Variants in PTPRD observed in about 807,000 individuals in gnomAD.
PTPRD encodes protein tyrosine phosphatase receptor type D.
A neutral mutation model predicts 214.5 loss-of-function variants in PTPRD; 34 were observed. That is an observed-to-expected ratio of 0.16 (90% CI 0.12 to 0.21). The LOEUF (loss-of-function observed/expected upper bound fraction) is 0.21, where lower values mean the gene tolerates loss of function less well. PTPRD is among the 10% of genes least tolerant of loss of function. PTPRD has a pLI of 1.00. For synonymous variants in PTPRD, 1,128 were observed against 845.7 expected, an observed-to-expected ratio of 1.33 and a Z score of -5.79; for missense variants, 2,545 against 2,398.7, an observed-to-expected ratio of 1.06 and a Z score of -1.27.
At chr9:8,701,432 C>G (rs569956712) in intron 12 of PTPRD, 1 of 151,946 alleles carries the variant, frequency 6.6e-6, no homozygotes, top group African/African-American at 2.4e-5. Context: ...GTCGGGAGCT[C>G]GAAACCAGCC....
intron 13 of PTPRD, among the ~76,000 whole-genome samples, chr9:8,634,172 A>G (rs1252305306): frequency 6.6e-6 from 1 of 151,736 alleles, no homozygotes; most frequent in Non-Finnish European, 1.5e-5. Flanking sequence ...ATCATTAGGA[A>G]CTCTTCTTGG....
chr9:9,427,205 G>C (rs1004167993), intron 8 of PTPRD, among the ~76,000 whole-genome samples: 13 of 152,164 alleles, frequency 8.5e-5, no homozygotes, highest in Non-Finnish European at 1.8e-4. Context: ...AACCAGCTTA[G>C]AGAAGACCTT....
At chr9:9,793,901 G>C (rs2098984144) in intron 5 of PTPRD, among the ~76,000 whole-genome samples, 1 of 152,000 alleles carries the variant, frequency 6.6e-6, no homozygotes, top group Admixed American at 6.6e-5. Flanking sequence ...ACTGGAAATA[G>C]TTTATGAAAT....
intron 7 of PTPRD, among the ~76,000 whole-genome samples, chr9:9,599,551 T>C (rs552631417): frequency 1.1e-3 from 171 of 152,110 alleles, no homozygotes; most frequent in Non-Finnish European, 2.0e-3. Context: ...CTCATTCTAT[T>C]CTTCAGGTAT....
At chr9:9,587,690 T>C (rs1286794495) in intron 7 of PTPRD, among the ~76,000 whole-genome samples, 1 of 151,952 alleles carries the variant, frequency 6.6e-6, no homozygotes. Context: ...CCAGGTGATG[T>C]TGATGCTGCT....
intron 9 of PTPRD, among the ~76,000 whole-genome samples, chr9:9,220,249 A>C (rs569065966): frequency 9.3e-5 from 14 of 151,328 alleles, no homozygotes; most frequent in Admixed American, 3.3e-4. Flanking sequence ...TAAAAGCACT[A>C]TCTTTTAGTG....
At chr9:10,035,526 G>T (rs552323715) in intron 3 of PTPRD, among the ~76,000 whole-genome samples, 1 of 152,194 alleles carries the variant, frequency 6.6e-6, no homozygotes, top group South Asian at 2.1e-4. Flanking sequence ...GTCCTGAATG[G>T]TGTTGCCTAG....
intron 8 of PTPRD, among the ~76,000 whole-genome samples, chr9:9,544,680 T>C (rs1220505650): frequency 6.6e-6 from 1 of 151,692 alleles, no homozygotes; most frequent in African/African-American, 2.4e-5. Context: ...ATACAGCCAT[T>C]TTTCTAGGCT....
intron 7 of PTPRD, among the ~76,000 whole-genome samples, chr9:9,589,540 A>C (rs1475532212): frequency 6.6e-6 from 1 of 152,040 alleles, no homozygotes; most frequent in East Asian, 1.9e-4. Flanking sequence ...AATCTATGGC[A>C]ACAATCAGTA....
At chr9:10,578,117 T>A (rs886919791) in intron 2 of PTPRD, among the ~76,000 whole-genome samples, 1 of 151,784 alleles carries the variant, frequency 6.6e-6, no homozygotes, top group Non-Finnish European at 1.5e-5. Flanking sequence ...ACCTTGTTGG[T>A]TAGGTTGGTC....
At chr9:9,803,570 T>C (rs1029371500) in intron 5 of PTPRD, 41 of 151,978 alleles carry the variant, frequency 2.7e-4, no homozygotes, top group Non-Finnish European at 6.0e-4. Context: ...GAGTTAGTAC[T>C]GTTTTAATAA....
intron 11 of PTPRD, among the ~76,000 whole-genome samples, chr9:8,950,826 T>C (rs976755260): frequency 6.6e-6 from 1 of 152,034 alleles, no homozygotes; most frequent in African/African-American, 2.4e-5. Context: ...AGCTACTACA[T>C]GTCAGAGCCA....
chr9:8,335,443 C>T (rs1313543573), intron 43 of PTPRD, among the ~76,000 whole-genome samples: 1 of 152,052 alleles, frequency 6.6e-6, no homozygotes, highest in Non-Finnish European at 1.5e-5. Flanking sequence ...AATTCAACAC[C>T]ACTTTGTGCT....
intron 2 of PTPRD, among the ~76,000 whole-genome samples, chr9:10,492,021 T>C (rs1359320279): frequency 6.6e-6 from 1 of 152,178 alleles, no homozygotes; most frequent in Non-Finnish European, 1.5e-5. Context: ...GCTTCATCTA[T>C]GTCCCTGCAA....
At chr9:8,415,225 A>T (rs1019165964) in intron 35 of PTPRD, among the ~76,000 whole-genome samples, 1 of 152,186 alleles carries the variant, frequency 6.6e-6, no homozygotes, top group African/African-American at 2.4e-5. Context: ...AAAGCAGAGA[A>T]TGTGTTTCTC....
At chr9:10,279,063 C>T (rs778646144) in intron 3 of PTPRD, among the ~76,000 whole-genome samples, 6 of 152,152 alleles carry the variant, frequency 3.9e-5, no homozygotes, top group African/African-American at 1.2e-4. Context: ...CCTGAGCCAC[C>T]GCGCCTGGCC....
chr9:9,995,441 G>A (rs1322488867), intron 4 of PTPRD, among the ~76,000 whole-genome samples: 2 of 152,146 alleles, frequency 1.3e-5, no homozygotes, highest in South Asian at 4.1e-4. Context: ...ATTAAAAATG[G>A]TCTAAGAGAT....
chr9:9,584,650 T>A (rs1267832453), intron 7 of PTPRD, among the ~76,000 whole-genome samples: 1 of 151,980 alleles, frequency 6.6e-6, no homozygotes, highest in African/African-American at 2.4e-5. Flanking sequence ...CCTCTTCTAT[T>A]ACTTTATTTC....
chr9:9,967,552 A>G (rs1324243140), intron 4 of PTPRD, among the ~76,000 whole-genome samples: 1 of 152,192 alleles, frequency 6.6e-6, no homozygotes, highest in African/African-American at 2.4e-5. Flanking sequence ...CAATCCTTAC[A>G]GTGACCATAA....
Sources: allele counts gnomAD v4.1 joint callset (sites outside exome capture counted in the v4.1 genomes callset), GRCh38; gene constraint gnomAD v4.1.1; transcripts MANE v1.5; gene names NCBI Gene and HGNC (gene_info 2026-07-23, HGNC 2026-07-21).